The following BCAS1 variants were observed in gnomAD, a reference collection of about 807,000 sequenced individuals.
The protein encoded by BCAS1 is breast carcinoma-amplified sequence 1.
In BCAS1, 46 loss-of-function variants were observed where a neutral mutation model predicts 65.4. The ratio of observed to expected loss-of-function variants is 0.70; its 90% CI spans 0.55 to 0.90. The LOEUF (loss-of-function observed/expected upper bound fraction) is 0.90. Among genes scored for constraint, BCAS1 ranks in the 40% least tolerant of loss-of-function variants. The pLI is 0.00. For synonymous variants in BCAS1, 298 were observed against 293.5 expected, an observed-to-expected ratio of 1.02 and a Z score of -0.16; for missense variants, 793 against 771.2, an observed-to-expected ratio of 1.03 and a Z score of -0.33.
intron 4 of BCAS1, among the ~76,000 whole-genome samples, chr20:54,018,579 A>G (rs371454257): frequency 1.3e-5 from 2 of 151,994 alleles, no homozygotes; most frequent in South Asian, 4.2e-4. Flanking sequence ...CTCGTGATCC[A>G]CTTGCCTCGG....
Position 53,953,431 on chromosome 20 carries a change from C to T in BCAS1, c.1815+1G>A, listed in dbSNP as rs1428452668. 6.2e-7 allele frequency: 1 copy of T among 1,613,720 alleles called. No homozygotes were observed. ...AGAAGAGGCAAAAAAAATCCACCTACCAGGCCTTTAAAGAAGCCCCCAAGG... is the reference window on the plus strand; with the variant it reads ...AGAAGAGGCAAAAAAAATCCACCTATCAGGCCTTTAAAGAAGCCCCCAAGG... On this transcript the variant is annotated splice_donor_variant, in intron 12 of 12. Transcript: ENST00000688948. LOFTEE classifies it high-confidence loss of function.
intron 3 of BCAS1, among the ~76,000 whole-genome samples, chr20:54,033,158 G>C (rs2091836030): frequency 6.6e-6 from 1 of 151,170 alleles, no homozygotes; most frequent in African/African-American, 2.4e-5. Context: ...GCAGTGTTAA[G>C]AGGGAAATTT....
intron 1 of BCAS1, among the ~76,000 whole-genome samples, chr20:54,065,818 A>G (rs1382245975): frequency 6.6e-6 from 1 of 152,156 alleles, no homozygotes; most frequent in Non-Finnish European, 1.5e-5. Context: ...AAGGACCATA[A>G]TAGATTCCTT....
At chr20:54,067,739 G>A (rs2092462135) in intron 1 of BCAS1, among the ~76,000 whole-genome samples, 1 of 152,202 alleles carries the variant, frequency 6.6e-6, no homozygotes, top group African/African-American at 2.4e-5. Context: ...TCACCAGCAG[G>A]CAGCTAGACG....
chr20:54,066,300 C>A (rs2092442261), intron 1 of BCAS1, among the ~76,000 whole-genome samples: 1 of 152,118 alleles, frequency 6.6e-6, no homozygotes, highest in Admixed American at 6.5e-5. Context: ...TCTCGATCTC[C>A]TGACCTCGTG....
At chr20:54,070,247 G>T (rs1382005708) in intron 1 of BCAS1, among the ~76,000 whole-genome samples, 186 bp downstream of exon 1, 1 of 152,190 alleles carries the variant, frequency 6.6e-6, no homozygotes, top group Non-Finnish European at 1.5e-5. Context: ...TTTGAGATGA[G>T]TGCTATCTTT....
rs145068978 is a variant in BCAS1 at position 53,953,664 on chromosome 20, G to T, written c.1583C>A (p.Pro528Gln). 2 of 1,613,624 alleles carry T rather than the reference G, an allele frequency of 1.2e-6. No individual in the cohort carries two copies. Among genetic ancestry groups the T allele is most frequent in the Non-Finnish European group, 1.7e-6 (2 of 1,179,968 alleles). ...TSDSTEKTITPPEPEPTGAPQ... is the reference protein window; with the variant it reads ...TSDSTEKTITQPEPEPTGAPQ... Reference sequence around the variant, plus strand: ...TGCTCCTGTTGGTTCAGGCTCTGGCGGTGTGATAGTCTTTTCTGTGGAGTC... The same window carrying T: ...TGCTCCTGTTGGTTCAGGCTCTGGCTGTGTGATAGTCTTTTCTGTGGAGTC... Residue 528 changes from proline to glutamine, a missense_variant, in exon 12 of 13, where the codon CCG (proline) becomes CAG (glutamine). Physicochemically the swap from Pro to Gln is moderately conservative, Grantham distance 76. Transcript: ENST00000688948.
In BCAS1 at chr20:53,995,894, G is replaced by A. The variant is rs1432944349; in HGVS notation, c.880C>T (p.Leu294=). 1 of 1,597,192 alleles carries A rather than the reference G, an allele frequency of 6.3e-7. No individual in the cohort carries two copies. The highest frequency in any genetic ancestry group is 8.5e-7 in the Non-Finnish European group (1 of 1,172,054). Reference sequence around the variant, plus strand: ...GAAAAGAGGAGAAAACTGCTTACCAGAGTTTTAAAGAAACTCATGATGGAA... The same window carrying A: ...GAAAAGAGGAGAAAACTGCTTACCAAAGTTTTAAAGAAACTCATGATGGAA... ...NNSIMSFFKT[L]VSPNKAETKK... is the part of the protein sequence containing the mutation. Residue 294 remains leucine (L), a splice_region_variant and synonymous_variant, in exon 5 of 13, where the codon CTG becomes TTG. Transcript: ENST00000688948.
At chr20:53,949,293 C>G (rs2089438859) in intron 12 of BCAS1, among the ~76,000 whole-genome samples, 1 of 152,150 alleles carries the variant, frequency 6.6e-6, no homozygotes, top group Non-Finnish European at 1.5e-5. Flanking sequence ...AAAATGTTTT[C>G]AAACAGTTGG....
chr20:53,972,595 A>G (rs1211141144), intron 9 of BCAS1, among the ~76,000 whole-genome samples: 2 of 152,232 alleles, frequency 1.3e-5, no homozygotes, highest in Non-Finnish European at 2.9e-5. Context: ...TGGACACTGA[A>G]TTTGAATTTT....
intron 4 of BCAS1, among the ~76,000 whole-genome samples, chr20:54,006,810 G>A (rs932809782): frequency 2.0e-5 from 3 of 152,012 alleles, no homozygotes; most frequent in Admixed American, 2.0e-4. Context: ...AGAAATTTTT[G>A]ATCAAATATC....
intron 3 of BCAS1, among the ~76,000 whole-genome samples, chr20:54,031,720 C>G (rs1731509647): frequency 6.6e-6 from 1 of 151,148 alleles, no homozygotes; most frequent in Non-Finnish European, 1.5e-5. Context: ...ATTACATAAG[C>G]CAATAAATCA....
chr20:54,038,441 G>C (rs1315950986), intron 3 of BCAS1, among the ~76,000 whole-genome samples: 2 of 151,190 alleles, frequency 1.3e-5, no homozygotes, highest in African/African-American at 4.8e-5. Context: ...AGTTCCCATA[G>C]TGCTAGACAC....
intron 10 of BCAS1, among the ~76,000 whole-genome samples, chr20:53,964,396 G>GA (rs897611647): frequency 6.6e-6 from 1 of 152,062 alleles, no homozygotes; most frequent in East Asian, 1.9e-4. Context: ...AGGCAAAACA[G>GA]AAAAAAAGAC....
At position 53,995,922 on chromosome 20, in the gene BCAS1, A is replaced by G. The variant is rs1568856836; in HGVS notation, c.852T>C (p.Asn284=). The G allele has an allele frequency of 6.2e-7, 1 of 1,611,318 alleles. No homozygotes were observed. Among genetic ancestry groups the G allele is most frequent in the Non-Finnish European group, 8.5e-7 (1 of 1,178,688 alleles). ...DSQAAAIAEN[N]NSIMSFFKTL... ...TTTTAAAGAAACTCATGATGGAATT[A>G]TTATTCTCTGCTATAGCTGCTGCCT... The change falls in exon 5 of 13, where the codon AAT becomes AAC. Residue 284 remains asparagine, a synonymous_variant. Coordinates refer to ENST00000688948, the MANE Select transcript of BCAS1 (RefSeq NM_001366298.2).
intron 4 of BCAS1, among the ~76,000 whole-genome samples, chr20:54,027,384 T>C (rs2091695532): frequency 6.6e-6 from 1 of 152,202 alleles, no homozygotes; most frequent in South Asian, 2.1e-4. Flanking sequence ...GTGCTCAGAG[T>C]AGAGCCTGGC....
chr20:54,011,075 T>C (rs1369419390), intron 4 of BCAS1, among the ~76,000 whole-genome samples: 13 of 152,098 alleles, frequency 8.5e-5, no homozygotes, highest in Admixed American at 7.9e-4. Context: ...TATATAAAAA[T>C]TATCTCAAAA....
chr20:53,956,781 T>C (rs944602719), intron 11 of BCAS1, among the ~76,000 whole-genome samples: 2 of 152,208 alleles, frequency 1.3e-5, no homozygotes, highest in Admixed American at 1.3e-4. Context: ...ATGCCATTTT[T>C]TGTGGAGGTG....
chr20:53,953,052 C>T (rs933859084), intron 12 of BCAS1, among the ~76,000 whole-genome samples: 4 of 152,154 alleles, frequency 2.6e-5, no homozygotes, highest in Non-Finnish European at 1.5e-5. Flanking sequence ...GCACAAGACA[C>T]TGAACAAAAC....
Sources: gnomAD v4.1 joint callset for allele counts (sites outside exome capture counted in the v4.1 genomes callset) on GRCh38, gnomAD v4.1.1 for gene constraint, MANE v1.5 for transcripts, NCBI Gene and HGNC (gene_info 2026-07-23, HGNC 2026-07-21) for gene names.